The following LARGE1 variants were observed in gnomAD, a reference collection of about 807,000 sequenced individuals.
LARGE1 encodes the protein xylosyl- and glucuronyltransferase LARGE1.
In LARGE1, 43 loss-of-function variants were observed where a neutral mutation model predicts 87.6. The ratio of observed to expected loss-of-function variants is 0.49; its 90% CI spans 0.38 to 0.63. The LOEUF is 0.63. Ranked by LOEUF, LARGE1 falls within the 30% of genes least tolerant of loss-of-function variation. The probability of loss-of-function intolerance (pLI) is 0.00; values close to 1 mark genes in which losing one functional copy is unlikely to be tolerated. For synonymous variants in LARGE1, 434 were observed against 394.6 expected (o/e 1.10, Z -1.18); for missense variants, 802 against 1,000.2 (o/e 0.80, Z 2.67).
chr22:33,393,495 C>T (rs2065604818), intron 7 of LARGE1, among the ~76,000 whole-genome samples: 1 of 152,240 alleles, frequency 6.6e-6, no homozygotes, highest in Non-Finnish European at 1.5e-5. Context: ...ACTACTGCTT[C>T]AAGTTATGAA....
At chr22:33,528,815 T>A (rs2072044160) in intron 6 of LARGE1, among the ~76,000 whole-genome samples, 1 of 152,346 alleles carries the variant, frequency 6.6e-6, no homozygotes, top group African/African-American at 2.4e-5. Flanking sequence ...CTCTGGGGTC[T>A]CCTTGACCAA....
chr22:33,147,452 A>G, the LARGE1 span, among the ~76,000 whole-genome samples: 1 of 152,232 alleles, frequency 6.6e-6, no homozygotes, highest in Admixed American at 6.5e-5. Flanking sequence ...TGGTGAGTTT[A>G]TAGAGTATAA....
intron 6 of LARGE1, among the ~76,000 whole-genome samples, chr22:33,482,193 G>A (rs9621708): frequency 0.021 from 3,179 of 152,272 alleles, 112 homozygotes; most frequent in African/African-American, 0.073. Context: ...AGTCTTGGAA[G>A]TTGACTTGCA....
intron 11 of LARGE1, among the ~76,000 whole-genome samples, chr22:33,171,540 C>T (rs987386163): frequency 2.6e-5 from 4 of 152,286 alleles, no homozygotes; most frequent in African/African-American, 4.8e-5. Context: ...GTGTAGCTTC[C>T]AGACTTGGTG....
At chr22:33,620,056 G>T (rs942809669) in intron 4 of LARGE1, among the ~76,000 whole-genome samples, 1 of 152,126 alleles carries the variant, frequency 6.6e-6, no homozygotes, top group African/African-American at 2.4e-5. Context: ...GCACAACTCA[G>T]ACAGTTCTAC....
intron 1 of LARGE1, among the ~76,000 whole-genome samples, chr22:33,766,335 CAT>C (rs1217679328): frequency 6.6e-6 from 1 of 152,182 alleles, no homozygotes; most frequent in African/African-American, 2.4e-5. Flanking sequence ...TCCTCCTAAA[CAT>C]GTACTCCATC....
At chr22:33,540,271 G>A (rs887083316) in intron 6 of LARGE1, among the ~76,000 whole-genome samples, 1 of 152,196 alleles carries the variant, frequency 6.6e-6, no homozygotes, top group African/African-American at 2.4e-5. Flanking sequence ...TGTGACTGGG[G>A]CGCCAAGAGG....
intron 1 of LARGE1, among the ~76,000 whole-genome samples, chr22:33,770,111 G>A (rs1164715256): frequency 6.6e-6 from 1 of 152,326 alleles, no homozygotes; most frequent in East Asian, 1.9e-4. Flanking sequence ...TTATTCTATA[G>A]CATTAGCAAG....
At chr22:33,401,954 G>A (rs1158130910) in intron 7 of LARGE1, among the ~76,000 whole-genome samples, 1 of 152,192 alleles carries the variant, frequency 6.6e-6, no homozygotes, top group Non-Finnish European at 1.5e-5. Context: ...CCTTGCTGAT[G>A]CCTTCAATCC....
At chr22:33,698,331 C>CCCAAAGGGATTATAAACGTG (rs1382923054) in intron 2 of LARGE1, among the ~76,000 whole-genome samples, 3 of 151,440 alleles carry the variant, frequency 2.0e-5, no homozygotes, top group African/African-American at 4.9e-5. Flanking sequence ...GCCTTAGCCT[C>CCCAAAGGGATTATAAACGTG]ACTCAGTCAC....
chr22:33,775,089 T>C (rs551279484), intron 1 of LARGE1, among the ~76,000 whole-genome samples: 4 of 152,196 alleles, frequency 2.6e-5, no homozygotes, highest in Non-Finnish European at 5.9e-5. Context: ...CCAGGTACCA[T>C]ACTGACACTT....
chr22:33,652,080 G>A (rs1017516798), intron 2 of LARGE1, among the ~76,000 whole-genome samples: 1 of 152,176 alleles, frequency 6.6e-6, no homozygotes. Context: ...TGAGGTTGAG[G>A]CAGGGGAATT....
intron 4 of LARGE1, among the ~76,000 whole-genome samples, chr22:33,604,860 C>T (rs1367829028): frequency 1.3e-5 from 2 of 152,050 alleles, no homozygotes; most frequent in African/African-American, 2.4e-5. Context: ...TTTCTGAAAG[C>T]CGTAAGTAGA....
intron 9 of LARGE1, among the ~76,000 whole-genome samples, chr22:33,339,338 C>T (rs1434282076): frequency 1.3e-5 from 2 of 151,188 alleles, no homozygotes; most frequent in Non-Finnish European, 2.9e-5. Context: ...CTAGCTGGAG[C>T]ACAAGGGGCG....
chr22:33,773,302 G>T (rs1049016785), intron 1 of LARGE1, among the ~76,000 whole-genome samples: 4 of 152,202 alleles, frequency 2.6e-5, no homozygotes, highest in Non-Finnish European at 2.9e-5. Context: ...TTTAAAAGCC[G>T]CACGCAATAT....
intron 6 of LARGE1, among the ~76,000 whole-genome samples, chr22:33,529,786 G>A (rs2072105839): frequency 6.6e-6 from 1 of 152,212 alleles, no homozygotes; most frequent in Admixed American, 6.5e-5. Context: ...AACTGACTCT[G>A]TCTTTGCTGG....
intron 2 of LARGE1, among the ~76,000 whole-genome samples, chr22:33,706,351 A>G (rs2082562828): frequency 6.6e-6 from 1 of 152,190 alleles, no homozygotes; most frequent in Non-Finnish European, 1.5e-5. Flanking sequence ...GCCTGAGAAC[A>G]GAGGGAAAGC....
At chr22:33,454,075 T>G (rs1422790929) in intron 6 of LARGE1, among the ~76,000 whole-genome samples, 1 of 152,184 alleles carries the variant, frequency 6.6e-6, no homozygotes, top group African/African-American at 2.4e-5. Context: ...TGGCCCTGAT[T>G]TAACATATGA....
At chr22:33,133,349 G>A in the LARGE1 span, among the ~76,000 whole-genome samples, 4 of 152,066 alleles carry the variant, frequency 2.6e-5, no homozygotes, top group Admixed American at 2.6e-4. Flanking sequence ...CCCCTGACAG[G>A]CCCCAGTGTG....
Sources: gnomAD v4.1 joint callset for allele counts (sites outside exome capture counted in the v4.1 genomes callset) on GRCh38, gnomAD v4.1.1 for gene constraint, MANE v1.5 for transcripts, NCBI Gene and HGNC (gene_info 2026-07-23, HGNC 2026-07-21) for gene names.